HK1: variants seen among roughly 807,000 people sequenced by gnomAD.
The protein encoded by HK1 is hexokinase-1.
Under a neutral mutation model 91.6 loss-of-function variants are expected in HK1, and 28 were observed. The ratio of observed to expected loss-of-function variants is 0.31; its 90% CI spans 0.23 to 0.42. The LOEUF (loss-of-function observed/expected upper bound fraction) is 0.42. HK1 is among the 10% of genes least tolerant of loss of function. The pLI, the probability that HK1 is intolerant of heterozygous loss-of-function variation, is 1.00. For synonymous variants in HK1, 430 were observed against 468.1 expected (o/e 0.92, Z 1.05); for missense variants, 770 against 1,219.8 (o/e 0.63, Z 5.49).
Position 69,306,646 on chromosome 10 carries a change from G to A in HK1, c.27+5785G>A, listed in dbSNP as rs569069055. Among the ~76,000 whole-genome samples, 16 of 152,294 alleles carry A rather than the reference G, an allele frequency of 1.1e-4. No homozygotes were observed. The East Asian group carries it at 1.7e-3, about 17-fold the overall frequency. Reference sequence around the variant, plus strand: ...GAATAAAGGAAGCAGTCAAATATGCGTTTGGCGCAGGTGAAGGAAGGGATA... The same window carrying A: ...GAATAAAGGAAGCAGTCAAATATGCATTTGGCGCAGGTGAAGGAAGGGATA... On this transcript the variant is annotated intron_variant, in intron 5 of 21. Coordinates refer to the HK1 transcript ENST00000360289.
At chr10:69,275,982 C>G (rs934515231) in intron 1 of HK1, among the ~76,000 whole-genome samples, 1 of 145,774 alleles carries the variant, frequency 6.9e-6, no homozygotes, top group African/African-American at 2.5e-5. Flanking sequence ...CCCAGCTACT[C>G]AGGAGGTTGA....
intron 4 of HK1, chr10:69,300,304 G>A: frequency 2.8e-6 from 1 of 361,622 alleles, no homozygotes; most frequent in Non-Finnish European, 5.0e-6. Context: ...TCATACATAT[G>A]TACTCTCTTG....
At chr10:69,393,215 A>C (rs928334443) in intron 15 of HK1, among the ~76,000 whole-genome samples, 1 of 152,138 alleles carries the variant, frequency 6.6e-6, no homozygotes, top group African/African-American at 2.4e-5. Context: ...TCCCGACCTC[A>C]GGTGATCCGC....
chr10:69,297,387 G>A (rs1164104289), intron 4 of HK1, among the ~76,000 whole-genome samples: 2 of 152,154 alleles, frequency 1.3e-5, no homozygotes, highest in African/African-American at 4.8e-5. Flanking sequence ...GGCAGAAGAA[G>A]ATCCAGGTGT....
At chr10:69,272,847 T>C (rs1844238414) in intron 1 of HK1, among the ~76,000 whole-genome samples, 1 of 151,922 alleles carries the variant, frequency 6.6e-6, no homozygotes, top group South Asian at 2.1e-4. Flanking sequence ...ATATCTTTCA[T>C]TGTTTTTTTG....
intron 2 of HK1, among the ~76,000 whole-genome samples, chr10:69,354,090 G>T (rs1444354082): frequency 6.6e-6 from 1 of 152,182 alleles, no homozygotes; most frequent in Non-Finnish European, 1.5e-5. Context: ...GTTCACTGGA[G>T]AATTCACTGC....
intron 2 of HK1, among the ~76,000 whole-genome samples, chr10:69,353,893 G>A (rs1849004501): frequency 6.6e-6 from 1 of 152,188 alleles, no homozygotes; most frequent in African/African-American, 2.4e-5. Context: ...ACCCAAGGAG[G>A]GGGTTGTAGG....
At chr10:69,295,692 ATTTT>A in intron 4 of HK1, 1 of 1,452,478 alleles carries the variant, frequency 6.9e-7, no homozygotes. Flanking sequence ...TAAGAAAGCT[ATTTT>A]TTTTTTTATT....
At chr10:69,281,248 G>A (rs1277849465) in intron 1 of HK1, among the ~76,000 whole-genome samples, 1 of 152,130 alleles carries the variant, frequency 6.6e-6, no homozygotes, top group Non-Finnish European at 1.5e-5. Flanking sequence ...CTGTGGAAGG[G>A]CCCAAGAATG....
In HK1 at chr10:69,369,869, C is replaced by A. The variant is rs1849908914; in HGVS notation, c.875+245C>A. Among the ~76,000 whole-genome samples, 2 of 152,110 alleles carry A rather than the reference C, an allele frequency of 1.3e-5. 1 individual carries two copies. The highest frequency in any genetic ancestry group is 4.1e-4 in the South Asian group (2 of 4,820). ...TTCTCCTGCCTTAGCCTCCAAGTAG[C>A]TGGGATTACAGGCATGCATCACCAT... On this transcript the variant is annotated intron_variant, in intron 7 of 17. Coordinates refer to ENST00000359426, the MANE Select transcript of HK1 (RefSeq NM_000188.3). This position sits in a 1 kb window ranked among gnomAD's most constrained non-coding sequence, Gnocchi z 4.4.
At chr10:69,276,290 G>T (rs1844470486) in intron 1 of HK1, among the ~76,000 whole-genome samples, 1 of 151,264 alleles carries the variant, frequency 6.6e-6, no homozygotes, top group Non-Finnish European at 1.5e-5. Context: ...ATTTATTCTT[G>T]TAATGTGGAT....
At chr10:69,283,436 C>G (rs1306403815) in intron 2 of HK1, among the ~76,000 whole-genome samples, 1 of 151,144 alleles carries the variant, frequency 6.6e-6, no homozygotes, top group Non-Finnish European at 1.5e-5. Flanking sequence ...GCCTGGGTGA[C>G]TGAGTGAGAC....
intron 2 of HK1, among the ~76,000 whole-genome samples, chr10:69,284,299 C>T (rs937094528): frequency 3.3e-5 from 5 of 152,150 alleles, no homozygotes; most frequent in Non-Finnish European, 7.3e-5. Context: ...GAAAATAGAA[C>T]TTATGAGGAG....
intron 1 of HK1, among the ~76,000 whole-genome samples, chr10:69,332,736 C>T (rs555295878): frequency 1.8e-4 from 28 of 152,186 alleles, no homozygotes; most frequent in African/African-American, 6.5e-4. Context: ...TCTGCCCCCA[C>T]TTTTCAAATG....
intron 2 of HK1, among the ~76,000 whole-genome samples, chr10:69,348,386 T>C (rs913593032): frequency 6.6e-6 from 1 of 152,238 alleles, no homozygotes; most frequent in African/African-American, 2.4e-5. Flanking sequence ...AGTTTTCTTA[T>C]ATGGAAGGAT....
intron 16 of HK1, among the ~76,000 whole-genome samples, chr10:69,397,683 T>A (rs1393081276): frequency 1.3e-5 from 2 of 152,254 alleles, no homozygotes; most frequent in African/African-American, 4.8e-5. Context: ...AGGTAATGTA[T>A]GTAAAATATA....
chr10:69,396,058 G>A (rs111532150), intron 16 of HK1, among the ~76,000 whole-genome samples: 2 of 152,130 alleles, frequency 1.3e-5, no homozygotes, highest in African/African-American at 2.4e-5. Flanking sequence ...AATCACTTGA[G>A]TTCAGGTGTT....
In HK1 at chr10:69,343,832, C is replaced by T. The variant is rs1848415323; in HGVS notation, c.69C>T (p.Asp23=). The T allele has an allele frequency of 6.8e-6, 11 of 1,612,622 alleles. No homozygotes were observed. The highest frequency in any genetic ancestry group is 3.3e-5 in the Admixed American group (2 of 59,978). Residue 23 remains aspartate (D), a synonymous_variant, in exon 2 of 18, where the codon GAC becomes GAT. Coordinates refer to ENST00000359426, the MANE Select transcript of HK1 (RefSeq NM_000188.3). The part of the protein sequence containing the change: ...ELKDDQVKKI[D]KYLYAMRLSD... ...TCCTTCTCATCCCCCTCCAGATTGA[C>T]AAGTATCTCTATGCCATGCGGCTCT...
rs141792676 is a variant in HK1, at chr10:69,323,978, T to C, written c.63+4968T>C. ...GAAGACATGGATAAAGACAGGGAGC[T>C]GTATACCTCTGCATCCAGGAATCAG... On this transcript the variant is annotated intron_variant, in intron 1 of 17. Transcript: ENST00000359426. 9.5e-3 allele frequency among the ~76,000 whole-genome samples: 1,452 copies of C among 152,232 alleles called. 12 individuals carry two copies. Among genetic ancestry groups the C allele is most frequent in the Middle Eastern group, 0.027 (8 of 294 alleles).
Sources: gnomAD v4.1 joint callset for allele counts (sites outside exome capture counted in the v4.1 genomes callset) on GRCh38, gnomAD v4.1.1 for gene constraint, Gnocchi (gnomAD v3.1) non-coding constraint, MANE v1.5 for transcripts, NCBI Gene and HGNC (gene_info 2026-07-23, HGNC 2026-07-21) for gene names.